The following KHDRBS3 variants were observed in gnomAD, a reference collection of about 807,000 sequenced individuals.
KHDRBS3 encodes the protein KH RNA binding domain containing, signal transduction associated 3.
Under a neutral mutation model 45.6 loss-of-function variants are expected in KHDRBS3, and 23 were observed. The observed-to-expected ratio is 0.50, with a 90% CI of 0.36 to 0.72. KHDRBS3 has a LOEUF of 0.72. Among genes scored for constraint, KHDRBS3 ranks in the 30% least tolerant of loss-of-function variants. The pLI is 0.00. For synonymous variants in KHDRBS3, 162 were observed against 156.5 expected (o/e 1.04, Z -0.26); for missense variants, 352 against 424.8 (o/e 0.83, Z 1.51).
At chr8:135,589,771 A>G (rs143757627) in intron 6 of KHDRBS3, among the ~76,000 whole-genome samples, 1 of 152,322 alleles carries the variant, frequency 6.6e-6, no homozygotes, top group African/African-American at 2.4e-5. Flanking sequence ...ACAGAACCTG[A>G]CATTTTGGAG....
At chr8:135,625,082 A>ATTT in intron 7 of KHDRBS3, 1 of 638,560 alleles carries the variant, frequency 1.6e-6, no homozygotes, top group Non-Finnish European at 2.6e-6. Context: ...TGCTTATGAA[A>ATTT]AGAAACCAGT....
At chr8:135,590,728 A>G (rs542375713) in intron 6 of KHDRBS3, among the ~76,000 whole-genome samples, 77 of 152,366 alleles carry the variant, frequency 5.1e-4, no homozygotes, top group African/African-American at 1.8e-3. Flanking sequence ...GTTTTACAAA[A>G]TGAGATTTAA....
chr8:135,536,966 C>CAAAAAA (rs869256475), intron 2 of KHDRBS3, among the ~76,000 whole-genome samples: 6 of 11,758 alleles, frequency 5.1e-4, no homozygotes, highest in African/African-American at 1.7e-3. Flanking sequence ...AACTCCATCT[C>CAAAAAA]AAAAAAAAAA....
intron 6 of KHDRBS3, among the ~76,000 whole-genome samples, chr8:135,601,590 G>A (rs1427746001): frequency 6.6e-6 from 1 of 152,158 alleles, no homozygotes; most frequent in Non-Finnish European, 1.5e-5. Context: ...TCACAATGGG[G>A]TCCTCTAGGA....
rs199723179 is a variant in KHDRBS3 at position 135,561,674 on chromosome 8, C to A, written c.611+4087C>A. 4.5e-4 allele frequency among the ~76,000 whole-genome samples: 69 copies of A among 151,880 alleles called. 1 individual carries two copies. The East Asian group carries it at 0.012, about 27-fold the overall frequency. ...AAAAGACTTAAATAGTCATGCACCA[C>A]AAAATGACATTTTTGGTCAAGGACG... On this transcript the variant is annotated intron_variant, in intron 5 of 8. Transcript: ENST00000355849.
At chr8:135,470,539 C>T (rs28581714) in intron 1 of KHDRBS3, among the ~76,000 whole-genome samples, 5,688 of 151,164 alleles carry the variant, frequency 0.038, 349 homozygotes, top group African/African-American at 0.13. Context: ...TTGTATTTTT[C>T]TCATCCCTTT....
At chr8:135,464,552 C>T (rs1373176592) in intron 1 of KHDRBS3, among the ~76,000 whole-genome samples, 2 of 152,002 alleles carry the variant, frequency 1.3e-5, no homozygotes, top group Non-Finnish European at 2.9e-5. Flanking sequence ...ATTCTTCATT[C>T]TCTAAAAATA....
At chr8:135,490,444 T>A (rs559827950) in intron 1 of KHDRBS3, among the ~76,000 whole-genome samples, 2 of 152,270 alleles carry the variant, frequency 1.3e-5, no homozygotes, top group African/African-American at 4.8e-5. Flanking sequence ...CTTAATAGTG[T>A]CAAAGTCACT....
At chr8:135,578,472 G>A (rs1488363599) in intron 5 of KHDRBS3, among the ~76,000 whole-genome samples, 1 of 149,648 alleles carries the variant, frequency 6.7e-6, no homozygotes, top group Non-Finnish European at 1.5e-5. Context: ...ACCATTTGTT[G>A]AAAAAAAACA....
At chr8:135,533,219 A>G (rs941886703) in intron 2 of KHDRBS3, among the ~76,000 whole-genome samples, 7 of 152,192 alleles carry the variant, frequency 4.6e-5, no homozygotes, top group Non-Finnish European at 8.8e-5. Flanking sequence ...TATTACTGCA[A>G]AAGACACTGT....
At chr8:135,499,342 C>T (rs1247854848) in intron 1 of KHDRBS3, among the ~76,000 whole-genome samples, 3 of 152,136 alleles carry the variant, frequency 2.0e-5, no homozygotes, top group Admixed American at 6.6e-5. Flanking sequence ...AACAGAATGT[C>T]AGAAATTAAT....
chr8:135,559,202 G>T (rs1433745626), intron 5 of KHDRBS3, among the ~76,000 whole-genome samples: 4 of 152,006 alleles, frequency 2.6e-5, no homozygotes, highest in Admixed American at 1.3e-4. Flanking sequence ...AGGTAACCTT[G>T]TCTAGAAATT....
chr8:135,592,311 G>T (rs1488145199), intron 6 of KHDRBS3, among the ~76,000 whole-genome samples: 2 of 151,654 alleles, frequency 1.3e-5, no homozygotes, highest in Non-Finnish European at 2.9e-5. Context: ...GAAGTGGAAA[G>T]CTCTAAAATG....
intron 5 of KHDRBS3, among the ~76,000 whole-genome samples, chr8:135,573,936 C>T (rs577411071): frequency 6.6e-6 from 1 of 152,178 alleles, no homozygotes; most frequent in South Asian, 2.1e-4. Flanking sequence ...TCTTTTTGCT[C>T]TTCTGTTACA....
chr8:135,610,283 CA>C (rs1829657418), intron 7 of KHDRBS3, among the ~76,000 whole-genome samples: 1 of 151,828 alleles, frequency 6.6e-6, no homozygotes, highest in African/African-American at 2.4e-5. Flanking sequence ...TGTTTTAATA[CA>C]AATGACAACA....
chr8:135,519,872 C>T (rs1824818698), intron 1 of KHDRBS3, among the ~76,000 whole-genome samples: 1 of 152,180 alleles, frequency 6.6e-6, no homozygotes, highest in Non-Finnish European at 1.5e-5. Flanking sequence ...AGCCCATTGG[C>T]TGTTTCAGTG....
chr8:135,551,383 T>G (rs991507178), intron 4 of KHDRBS3, among the ~76,000 whole-genome samples: 2 of 152,188 alleles, frequency 1.3e-5, no homozygotes, highest in Non-Finnish European at 2.9e-5. Context: ...TAGGTTTTTT[T>G]TATTGCTACC....
intron 3 of KHDRBS3, among the ~76,000 whole-genome samples, chr8:135,547,972 G>A (rs1826394648): frequency 6.6e-6 from 1 of 151,988 alleles, no homozygotes; most frequent in Admixed American, 6.6e-5. Context: ...ATTTCCTTAT[G>A]GAAACAAACA....
intron 4 of KHDRBS3, among the ~76,000 whole-genome samples, chr8:135,652,623 C>T (rs543184397): frequency 5.9e-5 from 9 of 152,246 alleles, no homozygotes; most frequent in Non-Finnish European, 1.2e-4. Context: ...GAACACAACT[C>T]TTACCCAGCT....
Sources: gnomAD v4.1 joint callset for allele counts (sites outside exome capture counted in the v4.1 genomes callset) on GRCh38, gnomAD v4.1.1 for gene constraint, MANE v1.5 for transcripts, NCBI Gene and HGNC (gene_info 2026-07-23, HGNC 2026-07-21) for gene names.